Variants in TRMT11 observed in about 807,000 individuals in gnomAD.
TRMT11 encodes tRNA (guanine(10)-N(2))-methyltransferase TRMT11.
In TRMT11, 53 loss-of-function variants were observed where a neutral mutation model predicts 62.8. The observed-to-expected ratio is 0.84, with a 90% CI of 0.68 to 1.06. TRMT11 has a LOEUF of 1.06. Ranked by LOEUF, TRMT11 falls within the 50% of genes least tolerant of loss-of-function variation. TRMT11 has a pLI of 0.00. For synonymous variants in TRMT11, 188 were observed against 190.3 expected, an observed-to-expected ratio of 0.99 and a Z score of 0.10; for missense variants, 556 against 553.4, an observed-to-expected ratio of 1.00 and a Z score of -0.05.
At position 126,004,306 on chromosome 6, in the gene TRMT11, G is replaced by A. The variant is rs979772015; in HGVS notation, c.680-4086G>A. 1.6e-4 allele frequency among the ~76,000 whole-genome samples: 24 copies of A among 152,062 alleles called. No homozygotes were observed. In the East Asian group the frequency reaches 3.5e-3, roughly 22 times the overall value. On this transcript the variant is annotated intron_variant, in intron 7 of 12. Coordinates refer to ENST00000334379, the MANE Select transcript of TRMT11 (RefSeq NM_001031712.3). Reference sequence around the variant, plus strand: ...AGGAGACCTGCTTCTGTTTGCTTTAGGGCAGCTCCTCACAGTGGGTAGTAT... The same window carrying A: ...AGGAGACCTGCTTCTGTTTGCTTTAAGGCAGCTCCTCACAGTGGGTAGTAT...
At chr6:126,176,721 T>C (rs1778389361), upstream of TRMT11, among the ~76,000 whole-genome samples, 1 of 152,200 alleles carries the variant, frequency 6.6e-6, no homozygotes, top group Non-Finnish European at 1.5e-5. Context: ...GTATGGGTAG[T>C]TTATTTTCAC....
rs545596296 is a variant in TRMT11, at chr6:126,012,327, A to G, written c.926-444A>G. Among the ~76,000 whole-genome samples the G allele has an allele frequency of 6.6e-5, 10 of 152,112 alleles. No individual in the cohort carries two copies. The South Asian group carries it at 2.1e-3, about 32-fold the overall frequency. On this transcript the variant is annotated intron_variant, in intron 9 of 12. Coordinates refer to ENST00000334379, the MANE Select transcript of TRMT11 (RefSeq NM_001031712.3). ...TTGTGGCCTTTTACTCCTATACTTC[A>G]GTGTGTATTTACTAAGAATAAAGAT...
At chr6:126,025,651 A>G (rs1772923144) in intron 12 of TRMT11, among the ~76,000 whole-genome samples, 1 of 152,202 alleles carries the variant, frequency 6.6e-6, no homozygotes, top group Admixed American at 6.5e-5. Context: ...CAAGATCTCA[A>G]TCCTTTATAA....
intron 1 of TRMT11, chr6:126,177,398 C>T (rs2128239279): frequency 6.6e-6 from 1 of 152,280 alleles, no homozygotes; most frequent in African/African-American, 2.4e-5. Context: ...CAGTACTCTA[C>T]TTCTCCATTT....
chr6:126,171,966 G>C (rs1006793135), intron 21 of TRMT11, among the ~76,000 whole-genome samples: 1 of 151,990 alleles, frequency 6.6e-6, no homozygotes, highest in African/African-American at 2.4e-5. Context: ...TGATCCACCC[G>C]CCTCAGCCTC....
intron 12 of TRMT11, among the ~76,000 whole-genome samples, chr6:126,022,522 C>T (rs1187562149): frequency 3.3e-5 from 5 of 151,872 alleles, no homozygotes; most frequent in South Asian, 2.1e-4. Flanking sequence ...TAATTTAGAC[C>T]CTTATTACCA....
At chr6:126,193,314 T>C (rs552857273) in intron 1 of TRMT11, among the ~76,000 whole-genome samples, 1 of 152,010 alleles carries the variant, frequency 6.6e-6, no homozygotes, top group Non-Finnish European at 1.5e-5. Context: ...TTCTCTCTTT[T>C]TTCTTAGTCT....
At chr6:126,066,069 CTTTG>C (rs1776682039) in intron 17 of TRMT11, among the ~76,000 whole-genome samples, 1 of 152,150 alleles carries the variant, frequency 6.6e-6, no homozygotes, top group African/African-American at 2.4e-5. Context: ...AGACCCTTTC[CTTTG>C]TTTGACGGTT....
At chr6:126,065,844 A>G (rs1159048225) in intron 17 of TRMT11, among the ~76,000 whole-genome samples, 2 of 152,216 alleles carry the variant, frequency 1.3e-5, no homozygotes, top group Admixed American at 1.3e-4. Context: ...GTATGACTGT[A>G]GACTGAAGTT....
intron 21 of TRMT11, among the ~76,000 whole-genome samples, chr6:126,151,905 C>CTTTCTTTCTTTCTTTCTT (rs377099601): frequency 0.055 from 4,449 of 80,384 alleles, 618 homozygotes; most frequent in African/African-American, 0.068. Flanking sequence ...TCTTTCTTTT[C>CTTTCTTTCTTTCTTTCTT]TCTTTCTTTC....
At chr6:126,092,703 G>T (rs1232614888) in intron 17 of TRMT11, among the ~76,000 whole-genome samples, 4 of 151,960 alleles carry the variant, frequency 2.6e-5, no homozygotes, top group African/African-American at 9.7e-5. Flanking sequence ...CTTTACTTTT[G>T]TTATGATATT....
intron 1 of TRMT11, among the ~76,000 whole-genome samples, chr6:126,186,884 A>G (rs1035284457): frequency 3.3e-5 from 5 of 152,090 alleles, no homozygotes; most frequent in Admixed American, 6.6e-5. Context: ...TTCAAGTATT[A>G]ATAAAGAAAT....
At chr6:126,152,701 T>C (rs1778073175) in intron 21 of TRMT11, among the ~76,000 whole-genome samples, 1 of 152,232 alleles carries the variant, frequency 6.6e-6, no homozygotes, top group Non-Finnish European at 1.5e-5. Context: ...CTGAGGTTGC[T>C]TTTAAATATT....
intron 21 of TRMT11, among the ~76,000 whole-genome samples, chr6:126,119,878 A>G (rs1033809839): frequency 6.6e-6 from 1 of 152,152 alleles, no homozygotes. Context: ...CAACCCAAAG[A>G]TGTTCACTGG....
the TRMT11 span, chr6:126,258,151 C>T: frequency 1.3e-6 from 1 of 768,196 alleles, no homozygotes; most frequent in African/African-American, 1.7e-5. Context: ...ATCCACTCCT[C>T]CAGGTTGAGG....
chr6:126,070,303 G>A (rs1277173924), intron 17 of TRMT11, among the ~76,000 whole-genome samples: 2 of 152,104 alleles, frequency 1.3e-5, no homozygotes, highest in Non-Finnish European at 2.9e-5. Flanking sequence ...GAGAACTTCG[G>A]CAGTGTGCTA....
At chr6:126,198,992 T>G (rs1778705613) in intron 2 of TRMT11, 1 of 152,222 alleles carries the variant, frequency 6.6e-6, no homozygotes, top group African/African-American at 2.4e-5. Flanking sequence ...AAGGTTTGTT[T>G]TGGATCCAGT....
intron 12 of TRMT11, among the ~76,000 whole-genome samples, 160 bp from the exon 13 acceptor site, chr6:126,038,545 A>G (rs945061776): frequency 6.6e-6 from 1 of 151,952 alleles, no homozygotes; most frequent in Admixed American, 6.6e-5. Flanking sequence ...CATGATAAGG[A>G]TGTAAAGTGA....
intron 11 of TRMT11, among the ~76,000 whole-genome samples, chr6:126,020,585 T>C (rs1007878196): frequency 2.0e-5 from 3 of 152,244 alleles, no homozygotes; most frequent in African/African-American, 7.2e-5. Context: ...ACTGATGTAA[T>C]CTGTAGTGTT....
Sources: allele counts gnomAD v4.1 joint callset (sites outside exome capture counted in the v4.1 genomes callset), GRCh38; gene constraint gnomAD v4.1.1; transcripts MANE v1.5; gene names NCBI Gene and HGNC (gene_info 2026-07-23, HGNC 2026-07-21).